The following CEP128 variants were observed in gnomAD, a reference collection of about 807,000 sequenced individuals.
CEP128 encodes centrosomal protein 128, also known as centrosomal protein 128kDa.
Under a neutral mutation model 156.7 loss-of-function variants are expected in CEP128, and 132 were observed. The observed-to-expected ratio is 0.84, with a 90% CI of 0.73 to 0.97. The LOEUF is 0.97. CEP128 is among the 50% of genes least tolerant of loss of function. CEP128 has a pLI of 0.00. For missense variants in CEP128, 1,252 were observed against 1,281.9 expected (o/e 0.98, Z 0.36); for synonymous variants, 469 against 448.9 (o/e 1.04, Z -0.57).
intron 7 of CEP128, among the ~76,000 whole-genome samples, chr14:80,898,951 C>T (rs1354167519): frequency 6.6e-6 from 1 of 152,102 alleles, no homozygotes; most frequent in South Asian, 2.1e-4. Flanking sequence ...CCACTACAAC[C>T]CTCCTGTTTG....
Position 80,678,049 on chromosome 14 carries a change from A to AAAAAAAAAT in CEP128, c.2806+65025_2806+65026insATTTTTTTT. Among the ~76,000 whole-genome samples, 17 of 98,494 alleles carry AAAAAAAAAT rather than the reference A, an allele frequency of 1.7e-4. 1 individual carries two copies. Among genetic ancestry groups the AAAAAAAAAT allele is most frequent in the African/African-American group, 5.4e-4 (17 of 31,760 alleles). The allele number at this position is 98,494 out of a possible 152,430, so 64.6% of individuals were successfully genotyped here. A position where few individuals can be genotyped will look rare whatever the true frequency, so the allele number is the denominator to read the frequency against. The stretch of plus-strand genomic sequence containing the variant: ...ATGGACAGTTGCTCTATAAAAAAAA[A>AAAAAAAAAT]ATATATATATATATGTATATATATA... On this transcript the variant is annotated intron_variant, in intron 19 of 24. Transcript: ENST00000555265.
rs201740879 is a variant in CEP128, at chr14:80,604,731, T to C, written c.2807-24308A>G. Among the ~76,000 whole-genome samples, 8 of 152,230 alleles carry C rather than the reference T, an allele frequency of 5.3e-5. No individual in the cohort carries two copies. In the East Asian group the frequency reaches 1.4e-3, roughly 26 times the overall value. ...ATAGTATTTATTCTATTACAGTTCA[T>C]TGTTATGCATTTGGATCTACCACTA... On this transcript the variant is annotated intron_variant, in intron 19 of 24. Coordinates refer to ENST00000555265, the MANE Select transcript of CEP128 (RefSeq NM_152446.5).
intron 19 of CEP128, among the ~76,000 whole-genome samples, chr14:80,660,792 G>GATTTGGCTATCTTAGCC (rs1204883365): frequency 2.0e-5 from 3 of 152,160 alleles, no homozygotes; most frequent in African/African-American, 7.2e-5. Context: ...GTGCTACACT[G>GATTTGGCTATCTTAGCC]ATTTGGCTAT....
At chr14:80,954,580 C>T (rs1886557477) in intron 2 of CEP128, among the ~76,000 whole-genome samples, 1 of 152,146 alleles carries the variant, frequency 6.6e-6, no homozygotes, top group African/African-American at 2.4e-5. Context: ...AACCTTTATT[C>T]TGATTCCCAT....
rs191685434 is a variant in CEP128 at position 80,591,007 on chromosome 14, G to A, written c.2807-10584C>T. Among the ~76,000 whole-genome samples the A allele has an allele frequency of 1.6e-3, 248 of 152,222 alleles. 1 individual carries two copies. Among genetic ancestry groups the A allele is most frequent in the African/African-American group, 5.7e-3 (238 of 41,540 alleles). ...AGCCTTGCAAGAGCTCCTGAAGGAAGCACTAAATACGGAAAGGAAAAACCA... is the reference window on the plus strand; with the variant it reads ...AGCCTTGCAAGAGCTCCTGAAGGAAACACTAAATACGGAAAGGAAAAACCA... On this transcript the variant is annotated intron_variant, in intron 19 of 24. Coordinates refer to ENST00000555265, the MANE Select transcript of CEP128 (RefSeq NM_152446.5).
rs1215123329 is a variant in CEP128 at position 80,916,579 on chromosome 14, G to C, written c.-15-17C>G. On this transcript the variant is annotated splice_polypyrimidine_tract_variant and intron_variant, in intron 2 of 24. Transcript: ENST00000555265. ...ACACAAATCCTTTTAAATAAATATA[G>C]GTCAAAGTTAATGAAACAGTAAAAA... 6.4e-6 allele frequency: 10 copies of C among 1,571,120 alleles called. No homozygotes were observed. The highest frequency in any genetic ancestry group is 8.7e-6 in the Non-Finnish European group (10 of 1,153,518).
intron 16 of CEP128, among the ~76,000 whole-genome samples, chr14:80,767,159 C>T (rs1900279626): frequency 6.6e-6 from 1 of 152,022 alleles, no homozygotes; most frequent in Non-Finnish European, 1.5e-5. Flanking sequence ...TAGGATACAA[C>T]ATAAAATGTC....
chr14:80,639,924 A>G (rs1894341006), intron 19 of CEP128, among the ~76,000 whole-genome samples: 1 of 152,192 alleles, frequency 6.6e-6, no homozygotes, highest in African/African-American at 2.4e-5. Flanking sequence ...ATAACACATA[A>G]TCAAATTCTT....
At chr14:80,546,172 C>T (rs528682953) in intron 21 of CEP128, among the ~76,000 whole-genome samples, 1 of 152,280 alleles carries the variant, frequency 6.6e-6, no homozygotes, top group Non-Finnish European at 1.5e-5. Context: ...AAAGGTAATG[C>T]ATACATCGGG....
intron 23 of CEP128, among the ~76,000 whole-genome samples, chr14:80,520,834 A>T (rs1435400677): frequency 2.6e-5 from 4 of 151,376 alleles, no homozygotes; most frequent in Admixed American, 6.6e-5. Flanking sequence ...TTATTTATTT[A>T]TTTTTTGAGA....
In CEP128 at chr14:80,604,185, T is replaced by G. The variant is rs545248239; in HGVS notation, c.2807-23762A>C. 1.0e-3 allele frequency among the ~76,000 whole-genome samples: 154 copies of G among 152,274 alleles called. 1 individual carries two copies. The highest frequency in any genetic ancestry group is 3.5e-3 in the African/African-American group (144 of 41,556). On this transcript the variant is annotated intron_variant, in intron 19 of 24. Coordinates refer to ENST00000555265, the MANE Select transcript of CEP128 (RefSeq NM_152446.5). Reference sequence around the variant, plus strand: ...CAGAGTCATGAATCTAAAATAGATATGCTCATGTCCCTCTTTGTTCAAAGA... The same window carrying G: ...CAGAGTCATGAATCTAAAATAGATAGGCTCATGTCCCTCTTTGTTCAAAGA...
rs1170070855 is a variant in CEP128, at chr14:80,900,028, A to G, written c.482T>C (p.Leu161Pro). ...TCGAAGAGACTGATGAAAACCATGA[A>G]GCTAGCAAAGGCAAAACACAGTTAT... ...FVQETDDMTQ[L>P]HGFHQSLRDL... Residue 161 changes from leucine (L) to proline (P), a missense_variant and splice_region_variant, in exon 7 of 25, where the codon CTT becomes CCT. By Grantham distance (98) the Leu-to-Pro change is moderately conservative. Coordinates refer to ENST00000555265, the MANE Select transcript of CEP128 (RefSeq NM_152446.5). The G allele has an allele frequency of 1.2e-6, 2 of 1,605,634 alleles. No individual in the cohort carries two copies. The highest frequency in any genetic ancestry group is 4.5e-5 in the East Asian group (2 of 44,798).
chr14:80,483,959 C>T (rs1038308519), intron 14 of CEP128, among the ~76,000 whole-genome samples: 16 of 151,940 alleles, frequency 1.1e-4, no homozygotes, highest in African/African-American at 3.9e-4. Flanking sequence ...AATGATAAAA[C>T]CCCTAATCTT....
intron 24 of CEP128, among the ~76,000 whole-genome samples, chr14:80,501,419 A>G (rs1479437517): frequency 3.3e-5 from 5 of 152,192 alleles, no homozygotes; most frequent in Non-Finnish European, 7.4e-5. Flanking sequence ...ATCATTTTCA[A>G]CTAGAATTTT....
chr14:80,713,864 T>G (rs1897504117), intron 19 of CEP128, among the ~76,000 whole-genome samples: 1 of 152,198 alleles, frequency 6.6e-6, no homozygotes, highest in African/African-American at 2.4e-5. Context: ...GCACAAAGAA[T>G]CAAGAGTCAG....
At chr14:80,595,914 C>T (rs1892294960) in intron 19 of CEP128, among the ~76,000 whole-genome samples, 2 of 152,034 alleles carry the variant, frequency 1.3e-5, no homozygotes, top group African/African-American at 4.8e-5. Context: ...TATTCACTAT[C>T]ACCAGAACAG....
chr14:80,850,900 A>G (rs1308036999), intron 9 of CEP128, among the ~76,000 whole-genome samples: 1 of 152,204 alleles, frequency 6.6e-6, no homozygotes, highest in Admixed American at 6.5e-5. Flanking sequence ...ATTTTTATAG[A>G]GTTGAATTAT....
chr14:80,504,884 A>C, intron 24 of CEP128, 28 bp downstream of exon 24: 1 of 1,255,408 alleles, frequency 8.0e-7, no homozygotes, highest in Non-Finnish European at 1.1e-6. Flanking sequence ...ATCTAATTTA[A>C]AAATGGGTAC....
At chr14:80,888,799 T>G (rs7144428) in intron 8 of CEP128, among the ~76,000 whole-genome samples, 74,870 of 151,842 alleles carry the variant, frequency 0.49, 18,954 homozygotes, top group African/African-American at 0.57. Context: ...GCAAGAGAAA[T>G]AAATAAAGGG....
Sources: allele counts gnomAD v4.1 joint callset (sites outside exome capture counted in the v4.1 genomes callset), GRCh38; gene constraint gnomAD v4.1.1; transcripts MANE v1.5; gene names NCBI Gene and HGNC (gene_info 2026-07-23, HGNC 2026-07-21).